FUCA1: variants seen among roughly 807,000 people sequenced by gnomAD.
FUCA1 encodes alpha-L-fucosidase 1.
In FUCA1, 52 loss-of-function variants were observed where a neutral mutation model predicts 56.8. The ratio of observed to expected loss-of-function variants is 0.92; its 90% confidence interval spans 0.73 to 1.15. FUCA1 has a LOEUF of 1.15. Ranked by LOEUF, FUCA1 falls within the 50% of genes most tolerant of loss-of-function variation. FUCA1 has a pLI of 0.00. For missense variants in FUCA1, 568 were observed against 592.6 expected, an observed-to-expected ratio of 0.96 and a Z score of 0.43; for synonymous variants, 230 against 226.6, an observed-to-expected ratio of 1.02 and a Z score of -0.14.
chr1:23,862,944 C>T (rs1028614258), intron 3 of FUCA1, among the ~76,000 whole-genome samples, 190 bp downstream of exon 3: 1 of 152,162 alleles, frequency 6.6e-6, no homozygotes, highest in African/African-American at 2.4e-5. Context: ...GGCAATATGG[C>T]CACATGACAG....
Position 23,845,597 on chromosome 1 carries a change from G to A in FUCA1, c.*118C>T. 8.1e-7 allele frequency: 1 copy of A among 1,237,050 alleles called. No homozygotes were observed. Among genetic ancestry groups the A allele is most frequent in the South Asian group, 1.2e-5 (1 of 81,912 alleles). 76.6% of individuals were successfully genotyped at this position (1,237,050 alleles called of 1,614,324 possible). A position where few individuals can be genotyped will look rare whatever the true frequency, so the allele number is the denominator to read the frequency against. On this transcript the variant is annotated 3_prime_UTR_variant, in exon 8 of 8. Coordinates refer to ENST00000374479, the MANE Select transcript of FUCA1 (RefSeq NM_000147.5). ...TCAGTTCCTTTAATTAAAATGTGTT[G>A]GAAAAGCCATCTCTGGGTGGAGAAG...
chr1:23,860,482 G>A lies in FUCA1; in HGVS notation c.663-579C>T, dbSNP rs367849977. 3.3e-5 allele frequency among the ~76,000 whole-genome samples: 5 copies of A among 151,600 alleles called. No individual in the cohort carries two copies. In the East Asian group the frequency reaches 6.0e-4, roughly 18 times the overall value. ...GCCTGTATTCCCAGCTACTCGGGAG[G>A]CTGAGGCAGGAGAATGGCGTGAACC... On this transcript the variant is annotated intron_variant, in intron 3 of 7. Transcript: ENST00000374479.
At chr1:23,849,619 G>T (rs1032294290) in intron 5 of FUCA1, among the ~76,000 whole-genome samples, 3 of 112,124 alleles carry the variant, frequency 2.7e-5, no homozygotes, top group Non-Finnish European at 4.9e-5. Flanking sequence ...CTCTTGCTCT[G>T]TCTCCCAGGC....
At chr1:23,847,175 G>A (rs972933084) in intron 6 of FUCA1, among the ~76,000 whole-genome samples, 22 of 152,130 alleles carry the variant, frequency 1.4e-4, no homozygotes, top group African/African-American at 4.3e-4. Flanking sequence ...CTACCAATTG[G>A]GTTAAGTTGT....
chr1:23,853,506 G>T (rs370035999), intron 5 of FUCA1, among the ~76,000 whole-genome samples: 1 of 151,376 alleles, frequency 6.6e-6, no homozygotes, highest in Non-Finnish European at 1.5e-5. Flanking sequence ...CTGCCCGGCC[G>T]CCCCTACTGG....
chr1:23,845,497 T>C lies in FUCA1; in HGVS notation c.*218A>G. 1 of 597,930 alleles carries C rather than the reference T, an allele frequency of 1.7e-6. No homozygotes were observed. The highest frequency in any genetic ancestry group is 2.9e-5 in the East Asian group (1 of 34,802). 37.0% of individuals were successfully genotyped at this position (597,930 alleles called of 1,614,324 possible). On this transcript the variant is annotated 3_prime_UTR_variant, in exon 8 of 8. Coordinates refer to ENST00000374479, the MANE Select transcript of FUCA1 (RefSeq NM_000147.5). Reference sequence around the variant, plus strand: ...CAGAGTTCAACTGCTCAGTTCCTTCTTCTGCTGACCTGATACAGATATAAT... The same window carrying C: ...CAGAGTTCAACTGCTCAGTTCCTTCCTCTGCTGACCTGATACAGATATAAT...
intron 3 of FUCA1, 94 bp downstream of exon 3, chr1:23,863,040 T>G: frequency 1.5e-6 from 2 of 1,346,052 alleles, no homozygotes; most frequent in Non-Finnish European, 2.1e-6. Context: ...TAGGTTTTTT[T>G]CATACCTATC....
intron 5 of FUCA1, among the ~76,000 whole-genome samples, chr1:23,850,131 G>A (rs1358744005): frequency 1.3e-5 from 2 of 151,758 alleles, no homozygotes; most frequent in East Asian, 2.0e-4. Flanking sequence ...CCTGGCCAAC[G>A]TGGTGAAGGC....
chr1:23,846,429 C>T (rs995607996), intron 6 of FUCA1, among the ~76,000 whole-genome samples: 4 of 151,958 alleles, frequency 2.6e-5, no homozygotes, highest in Non-Finnish European at 5.9e-5. Context: ...CACCACCACG[C>T]CTGGCTAACT....
chr1:23,848,133 A>T (rs888394678), intron 6 of FUCA1, among the ~76,000 whole-genome samples: 10 of 152,228 alleles, frequency 6.6e-5, no homozygotes, highest in Non-Finnish European at 1.5e-4. Flanking sequence ...AGGGATTAAT[A>T]GAGGGATTAG....
At chr1:23,853,045 G>A (rs1411401100) in intron 5 of FUCA1, among the ~76,000 whole-genome samples, 4 of 140,692 alleles carry the variant, frequency 2.8e-5, no homozygotes, top group East Asian at 4.3e-4. Context: ...ACCTCTTCCC[G>A]GCCGCCATCC....
chr1:23,853,778 T>C (rs1639330836), intron 5 of FUCA1, among the ~76,000 whole-genome samples: 1 of 151,796 alleles, frequency 6.6e-6, no homozygotes, highest in African/African-American at 2.4e-5. Flanking sequence ...AACCCTGTGC[T>C]CTCTGAAACG....
In FUCA1 at chr1:23,865,593, C is replaced by A. The variant is rs753232669; in HGVS notation, c.422G>T (p.Gly141Val). 4 of 1,614,102 alleles carry A rather than the reference C, an allele frequency of 2.5e-6. No individual in the cohort carries two copies. The highest frequency in any genetic ancestry group is 3.4e-6 in the Non-Finnish European group (4 of 1,180,046). ...CACAGGACTCGGCCAGTTTGTGAAG[C>A]CTTCGTGATGCTTTGTCGTCAAAAC... ...YVVLTTKHHE[G>V]FTNWPSPVSW... Residue 141 changes from glycine (G) to valine (V), a missense_variant, in exon 2 of 8, where the codon GGC (glycine) becomes GTC (valine). By Grantham distance (109) the Gly-to-Val change is moderately radical. Transcript: ENST00000374479.
chr1:23,853,814 T>C (rs1237351139), intron 5 of FUCA1, among the ~76,000 whole-genome samples: 1 of 152,024 alleles, frequency 6.6e-6, no homozygotes, highest in African/African-American at 2.4e-5. Flanking sequence ...CAGGGTTAAA[T>C]GGATTAAGGG....
intron 4 of FUCA1, 81 bp from the exon 5 acceptor site, chr1:23,854,641 T>C (rs1455377534): frequency 5.0e-6 from 6 of 1,206,906 alleles, no homozygotes. Flanking sequence ...AAGGCTCTAT[T>C]TGGAAGCAAG....
In FUCA1 at chr1:23,845,414, A is replaced by T. The variant is rs1639117172; in HGVS notation, c.*301T>A. 1 of 421,638 alleles carries T rather than the reference A, an allele frequency of 2.4e-6. No individual in the cohort carries two copies. The highest frequency in any genetic ancestry group is 2.0e-5 in the African/African-American group (1 of 49,258). The allele number at this position is 421,638 out of a possible 1,614,324, so 26.1% of individuals were successfully genotyped here. A position where few individuals can be genotyped will look rare whatever the true frequency, so the allele number is the denominator to read the frequency against. ...GCATTGAGTAAGCAAGTAGGTTATC[A>T]GAGAACAGAGGGAAGATTCCATTGT... On this transcript the variant is annotated 3_prime_UTR_variant, in exon 8 of 8. Coordinates refer to ENST00000374479, the MANE Select transcript of FUCA1 (RefSeq NM_000147.5).
In FUCA1 at chr1:23,845,353, C is replaced by T. The variant is rs1484661549; in HGVS notation, c.*362G>A. Reference sequence around the variant, plus strand: ...GGTTGAGCTTGCCAAATCCTTCCACCTCCTCCCATAGGCAACAGGGTGACT... The same window carrying T: ...GGTTGAGCTTGCCAAATCCTTCCACTTCCTCCCATAGGCAACAGGGTGACT... On this transcript the variant is annotated 3_prime_UTR_variant, in exon 8 of 8. Transcript: ENST00000374479. 5.8e-6 allele frequency: 2 copies of T among 341,970 alleles called. No individual in the cohort carries two copies. The allele number at this position is 341,970 out of a possible 1,614,324, so 21.2% of individuals were successfully genotyped here.
chr1:23,864,087 C>CTTTTTT (rs765991884), intron 2 of FUCA1, among the ~76,000 whole-genome samples: 2 of 131,048 alleles, frequency 1.5e-5, no homozygotes, highest in Admixed American at 8.1e-5. Flanking sequence ...TCTTTTTTTC[C>CTTTTTT]TTTTTTTTTT....
rs748293104 is a variant in FUCA1 at position 23,863,284 on chromosome 1, A to G, written c.525-13T>C. On this transcript the variant is annotated splice_polypyrimidine_tract_variant and intron_variant, in intron 2 of 7. Coordinates refer to ENST00000374479, the MANE Select transcript of FUCA1 (RefSeq NM_000147.5). ...ATAGCGGATGTTCCTTAAACAGAAA[A>G]ACAGAACAGCAACTGTCATTAAGCA... 8.7e-6 allele frequency: 14 copies of G among 1,611,414 alleles called. No homozygotes were observed. The African/African-American group carries it at 1.6e-4, about 18-fold the overall frequency.
Sources: gnomAD v4.1 joint callset for allele counts (sites outside exome capture counted in the v4.1 genomes callset) on GRCh38, gnomAD v4.1.1 for gene constraint, MANE v1.5 for transcripts, NCBI Gene and HGNC (gene_info 2026-07-23, HGNC 2026-07-21) for gene names.